The following GPC6 variants were observed in gnomAD, a reference collection of about 807,000 sequenced individuals.
GPC6 encodes glypican 6.
Under a neutral mutation model 55.2 loss-of-function variants are expected in GPC6, and 14 were observed. That is an observed-to-expected ratio of 0.25 (90% CI 0.17 to 0.40). The LOEUF (loss-of-function observed/expected upper bound fraction) is 0.40, where lower values mean the gene tolerates loss of function less well. Ranked by LOEUF, GPC6 falls within the 10% of genes least tolerant of loss-of-function variation. GPC6 has a pLI of 1.00. For synonymous variants in GPC6, 278 were observed against 259.6 expected, an observed-to-expected ratio of 1.07 and a Z score of -0.68; for missense variants, 641 against 708.5, an observed-to-expected ratio of 0.90 and a Z score of 1.08.
chr13:93,932,462 C>T (rs1159842072), intron 3 of GPC6, among the ~76,000 whole-genome samples: 1 of 152,088 alleles, frequency 6.6e-6, no homozygotes, highest in African/African-American at 2.4e-5. Flanking sequence ...AGGAAGATTG[C>T]CATTAGCATT....
chr13:94,357,178 TG>T (rs1878840072), intron 6 of GPC6, among the ~76,000 whole-genome samples: 1 of 152,204 alleles, frequency 6.6e-6, no homozygotes, highest in African/African-American at 2.4e-5. Flanking sequence ...TAGGATCTCC[TG>T]GCCCACTTCT....
At chr13:94,041,510 T>C (rs1883532103) in intron 4 of GPC6, among the ~76,000 whole-genome samples, 1 of 151,864 alleles carries the variant, frequency 6.6e-6, no homozygotes, top group African/African-American at 2.4e-5. Context: ...TGTGATCTTT[T>C]TATGCTTCCA....
intron 4 of GPC6, among the ~76,000 whole-genome samples, chr13:94,231,973 A>G (rs1049863959): frequency 2.0e-5 from 3 of 152,170 alleles, no homozygotes; most frequent in African/African-American, 4.8e-5. Context: ...TCGCAACTCT[A>G]TTTATCTATT....
At chr13:93,783,407 TGTC>T (rs1885718878) in intron 2 of GPC6, among the ~76,000 whole-genome samples, 1 of 136,930 alleles carries the variant, frequency 7.3e-6, no homozygotes, top group Admixed American at 7.6e-5. Flanking sequence ...CTGTCCACAC[TGTC>T]TTCTACAGTG....
chr13:93,771,392 A>C (rs1000151115), intron 2 of GPC6, among the ~76,000 whole-genome samples: 3 of 152,190 alleles, frequency 2.0e-5, no homozygotes, highest in African/African-American at 7.2e-5. Flanking sequence ...AATTGAAGAC[A>C]CAGGGGAGTG....
intron 2 of GPC6, among the ~76,000 whole-genome samples, chr13:93,617,219 T>C (rs898396135): frequency 2.0e-5 from 3 of 152,128 alleles, no homozygotes; most frequent in Non-Finnish European, 4.4e-5. Flanking sequence ...ATAATTGCTA[T>C]TCAATTGTTA....
intron 4 of GPC6, among the ~76,000 whole-genome samples, chr13:94,070,558 A>G (rs1370834881): frequency 1.3e-5 from 2 of 152,202 alleles, no homozygotes; most frequent in African/African-American, 4.8e-5. Flanking sequence ...GGTACCATGG[A>G]AGCATTTAAA....
At chr13:93,731,131 G>C (rs1883805582) in intron 2 of GPC6, among the ~76,000 whole-genome samples, 1 of 152,118 alleles carries the variant, frequency 6.6e-6, no homozygotes, top group South Asian at 2.1e-4. Flanking sequence ...AAGATTGTAG[G>C]GGTGCTCATT....
At position 93,859,024 on chromosome 13, in the gene GPC6, A is replaced by G. The variant is rs1490809657; in HGVS notation, c.711+28479A>G. ...GGAGTCAACGCAGAGAAAAATTTCT[A>G]ATGAACACTTCATTAACTTAGGTCA... is the stretch of plus-strand genomic sequence containing the variant. On this transcript the variant is annotated intron_variant, in intron 3 of 8. Transcript: ENST00000377047. 5.3e-5 allele frequency among the ~76,000 whole-genome samples: 8 copies of G among 151,580 alleles called. No individual in the cohort carries two copies. The East Asian group carries it at 5.9e-4, about 11-fold the overall frequency.
intron 1 of GPC6, among the ~76,000 whole-genome samples, chr13:93,231,388 T>C (rs1315441156): frequency 4.8e-5 from 1 of 20,672 alleles, no homozygotes; most frequent in African/African-American, 2.1e-4. Flanking sequence ...TACATATATA[T>C]ATATATATGT....
chr13:94,046,735 A>G (rs977831714), intron 4 of GPC6, among the ~76,000 whole-genome samples: 1 of 151,964 alleles, frequency 6.6e-6, no homozygotes, highest in Non-Finnish European at 1.5e-5. Flanking sequence ...GTGTGTCTAT[A>G]TGTCATTTAA....
In GPC6 at chr13:94,346,719, CA is replaced by C. The variant is rs35478457; in HGVS notation, c.1153-35676del. Among the ~76,000 whole-genome samples, 639 of 114,088 alleles carry C rather than the reference CA, an allele frequency of 5.6e-3. 4 individuals carry two copies. Among genetic ancestry groups the C allele is most frequent in the South Asian group, 9.4e-3 (32 of 3,392 alleles). 74.8% of individuals were successfully genotyped at this position (114,088 alleles called of 152,430 possible). ...CCGGGCAACAGAGCAAGACTCCTCT[CA>C]AAAAAAAAAAAAAAAAAATTCACTG... On this transcript the variant is annotated intron_variant, in intron 6 of 8. Transcript: ENST00000377047.
chr13:93,981,543 A>C (rs1880803370), intron 3 of GPC6, among the ~76,000 whole-genome samples: 1 of 152,178 alleles, frequency 6.6e-6, no homozygotes, highest in African/African-American at 2.4e-5. Flanking sequence ...ATTTATTAGG[A>C]AGAAATCCTA....
At chr13:93,902,953 A>G (rs1353310878) in intron 3 of GPC6, among the ~76,000 whole-genome samples, 1 of 152,210 alleles carries the variant, frequency 6.6e-6, no homozygotes, top group East Asian at 1.9e-4. Context: ...TGGTTTCAAC[A>G]AAAGTGCCAA....
intron 1 of GPC6, among the ~76,000 whole-genome samples, chr13:93,542,802 C>G (rs1882372951): frequency 6.6e-6 from 1 of 152,130 alleles, no homozygotes; most frequent in African/African-American, 2.4e-5. Flanking sequence ...AATGGGAGTT[C>G]ACTCATGATT....
intron 1 of GPC6, among the ~76,000 whole-genome samples, chr13:93,260,142 G>A (rs565904214): frequency 6.6e-6 from 1 of 152,160 alleles, no homozygotes; most frequent in East Asian, 1.9e-4. Context: ...AAAACAAAAA[G>A]CAGTATAACT....
intron 4 of GPC6, among the ~76,000 whole-genome samples, chr13:94,093,834 C>A (rs1885577670): frequency 6.6e-6 from 1 of 152,038 alleles, no homozygotes; most frequent in African/African-American, 2.4e-5. Flanking sequence ...TGGATCTGAT[C>A]AGCACATCTA....
At chr13:93,374,373 C>T (rs564607641) in intron 1 of GPC6, among the ~76,000 whole-genome samples, 1 of 152,204 alleles carries the variant, frequency 6.6e-6, no homozygotes, top group African/African-American at 2.4e-5. Context: ...CCATCTTTGC[C>T]GCAGCTGGGA....
intron 2 of GPC6, among the ~76,000 whole-genome samples, chr13:93,684,536 A>G (rs543329323): frequency 3.3e-5 from 5 of 152,302 alleles, no homozygotes; most frequent in African/African-American, 1.2e-4. Context: ...ATTTATAAAG[A>G]TTAAAATGAA....
Sources: gnomAD v4.1 joint callset for allele counts (sites outside exome capture counted in the v4.1 genomes callset) on GRCh38, gnomAD v4.1.1 for gene constraint, MANE v1.5 for transcripts, NCBI Gene and HGNC (gene_info 2026-07-23, HGNC 2026-07-21) for gene names.